MTTP: variants seen among roughly 807,000 people sequenced by gnomAD.
The protein encoded by MTTP is microsomal triglyceride transfer protein, also known as microsomal triglyceride transfer protein large subunit.
In MTTP, 49 loss-of-function variants were observed where a neutral mutation model predicts 90.6. The ratio of observed to expected loss-of-function variants is 0.54; its 90% confidence interval spans 0.43 to 0.69. The LOEUF (loss-of-function observed/expected upper bound fraction) is 0.69, where lower values mean the gene tolerates loss of function less well. Ranked by LOEUF, MTTP falls within the 30% of genes least tolerant of loss-of-function variation. The probability of loss-of-function intolerance (pLI) is 0.00; values close to 1 mark genes in which losing one functional copy is unlikely to be tolerated. For missense variants in MTTP, 945 were observed against 1,067.5 expected, an observed-to-expected ratio of 0.89 and a Z score of 1.60; for synonymous variants, 347 against 384.2, an observed-to-expected ratio of 0.90 and a Z score of 1.13.
At chr4:99,579,905 C>T (rs985410027) in intron 1 of MTTP, among the ~76,000 whole-genome samples, 2 of 151,440 alleles carry the variant, frequency 1.3e-5, no homozygotes, top group African/African-American at 4.8e-5. Flanking sequence ...GGCTTAGTGG[C>T]GTGAGTGTGT....
upstream of MTTP, chr4:99,570,692 T>G (rs1724822307): frequency 2.2e-6 from 1 of 455,648 alleles, no homozygotes; most frequent in African/African-American, 2.0e-5. Context: ...TTATCCTGGA[T>G]TATTTAGGCA....
At chr4:99,570,311 C>G (rs927231988), upstream of MTTP, among the ~76,000 whole-genome samples, 3 of 152,010 alleles carry the variant, frequency 2.0e-5, no homozygotes, top group Non-Finnish European at 4.4e-5. Flanking sequence ...TATTTTCTCT[C>G]AGCACATTGA....
chr4:99,578,723 C>T lies in MTTP; in HGVS notation c.62-3182C>T, dbSNP rs939688096. Among the ~76,000 whole-genome samples the T allele has an allele frequency of 3.3e-5, 5 of 152,114 alleles. No homozygotes were observed. In the East Asian group the frequency reaches 9.6e-4, roughly 29 times the overall value. ...ACAAATGTTTCGTAGTTATTTTAACCAGAGGACACCTTAATATAGTCCACA... is the reference window on the plus strand; with the variant it reads ...ACAAATGTTTCGTAGTTATTTTAACTAGAGGACACCTTAATATAGTCCACA... On this transcript the variant is annotated intron_variant, in intron 1 of 17. Transcript: ENST00000265517.
intron 3 of MTTP, among the ~76,000 whole-genome samples, chr4:99,588,491 G>A (rs17029177): frequency 0.012 from 1,834 of 152,032 alleles, 43 homozygotes; most frequent in African/African-American, 0.042. Flanking sequence ...AATGGCAAAA[G>A]ACACTTATCA....
At chr4:99,572,219 C>T (rs1488939532), upstream of MTTP, among the ~76,000 whole-genome samples, 2 of 151,946 alleles carry the variant, frequency 1.3e-5, no homozygotes, top group African/African-American at 2.4e-5. Flanking sequence ...TAAGGAATTT[C>T]ATTGCAATAG....
chr4:99,596,544 A>G (rs2110221774), intron 7 of MTTP, among the ~76,000 whole-genome samples: 1 of 152,318 alleles, frequency 6.6e-6, no homozygotes, highest in Middle Eastern at 3.4e-3. Flanking sequence ...TTCAGACCTT[A>G]GCAACAGCAA....
chr4:99,609,325 A>C (rs1356888626), intron 12 of MTTP, among the ~76,000 whole-genome samples: 2 of 152,230 alleles, frequency 1.3e-5, no homozygotes, highest in Non-Finnish European at 2.9e-5. Context: ...AATGGTTTTC[A>C]TTGTAACATT....
chr4:99,600,911 A>T (rs1433462215), intron 9 of MTTP, among the ~76,000 whole-genome samples, 178 bp downstream of exon 9: 1 of 152,134 alleles, frequency 6.6e-6, no homozygotes, highest in Admixed American at 6.6e-5. Flanking sequence ...AAATTATTTC[A>T]GTTAGTGCCT....
chr4:99,582,220 C>A, intron 2 of MTTP, 128 bp downstream of exon 2: 2 of 958,220 alleles, frequency 2.1e-6, no homozygotes, highest in Non-Finnish European at 3.2e-6. Flanking sequence ...ATCACTAAAA[C>A]AAGCAGTTCT....
chr4:99,594,693 G>T (rs1298107114), intron 6 of MTTP, 40 bp from the exon 7 acceptor site: 2 of 1,611,054 alleles, frequency 1.2e-6, no homozygotes, highest in Non-Finnish European at 1.7e-6. Flanking sequence ...TCACTCAAAA[G>T]AATGATTATA....
intron 10 of MTTP, among the ~76,000 whole-genome samples, chr4:99,603,962 A>G (rs963866640): frequency 1.3e-5 from 2 of 152,144 alleles, no homozygotes; most frequent in Non-Finnish European, 2.9e-5. Flanking sequence ...GCTGCAAACC[A>G]TCTACTATCA....
intron 10 of MTTP, among the ~76,000 whole-genome samples, chr4:99,606,086 A>C (rs1203011902): frequency 1.3e-5 from 2 of 152,186 alleles, no homozygotes; most frequent in African/African-American, 4.8e-5. Context: ...ACCAGAACCC[A>C]GATGTCCCTA....
chr4:99,622,768 C>A lies in MTTP; in HGVS notation c.2605C>A (p.Pro869Thr), dbSNP rs758974395. 6.2e-7 allele frequency: 1 copy of A among 1,614,048 alleles called. No individual in the cohort carries two copies. Among genetic ancestry groups the A allele is most frequent in the Non-Finnish European group, 8.5e-7 (1 of 1,179,974 alleles). ...AAGCGTATTAGCAGGATGTGAATTCCCGCTCCATCAAGAGAACTCAGAGAT... is the reference window on the plus strand; with the variant it reads ...AAGCGTATTAGCAGGATGTGAATTCACGCTCCATCAAGAGAACTCAGAGAT... ...KESVLAGCEF[P>T]LHQENSEMCK... Residue 869 changes from proline to threonine, a missense_variant, in exon 18 of 18, where the codon CCG becomes ACG. Coordinates refer to ENST00000265517, the MANE Select transcript of MTTP (RefSeq NM_001386140.1).
At chr4:99,588,215 C>G (rs1725304657) in intron 3 of MTTP, among the ~76,000 whole-genome samples, 1 of 152,080 alleles carries the variant, frequency 6.6e-6, no homozygotes, top group South Asian at 2.1e-4. Context: ...GGATTCATTG[C>G]ATAGCTATTG....
At chr4:99,577,158 GCAAA>G (rs376351929) in intron 1 of MTTP, among the ~76,000 whole-genome samples, 39 of 152,296 alleles carry the variant, frequency 2.6e-4, no homozygotes, top group African/African-American at 8.9e-4. Flanking sequence ...ACATTAATTA[GCAAA>G]CAACTTGTGA....
intron 11 of MTTP, among the ~76,000 whole-genome samples, chr4:99,607,395 G>A (rs983054715): frequency 6.6e-6 from 1 of 152,202 alleles, no homozygotes; most frequent in Non-Finnish European, 1.5e-5. Flanking sequence ...CGAGAATGGT[G>A]TTTCCAGTTT....
At chr4:99,582,976 A>C (rs2110212395) in intron 2 of MTTP, among the ~76,000 whole-genome samples, 1 of 152,222 alleles carries the variant, frequency 6.6e-6, no homozygotes, top group Middle Eastern at 3.4e-3. Flanking sequence ...CAGTAATTAG[A>C]CTTTATTTTT....
At chr4:99,590,832 A>C (rs1353347223) in intron 4 of MTTP, among the ~76,000 whole-genome samples, 2 of 103,762 alleles carry the variant, frequency 1.9e-5, no homozygotes, top group African/African-American at 1.3e-4. Context: ...CAGCTAGTTG[A>C]AGTTACACAC....
chr4:99,608,520 A>G (rs1185503777), intron 11 of MTTP, among the ~76,000 whole-genome samples: 1 of 152,242 alleles, frequency 6.6e-6, no homozygotes, highest in Admixed American at 6.5e-5. Context: ...CACTACAGTC[A>G]TGGAAGAAAG....
Sources: allele counts gnomAD v4.1 joint callset (sites outside exome capture counted in the v4.1 genomes callset), GRCh38; gene constraint gnomAD v4.1.1; transcripts MANE v1.5; gene names NCBI Gene and HGNC (gene_info 2026-07-23, HGNC 2026-07-21).